Variants in ARL6IP1 observed in about 807,000 individuals in gnomAD.
ARL6IP1 encodes ADP-ribosylation factor-like protein 6-interacting protein 1.
In ARL6IP1, 16 loss-of-function variants were observed where a neutral mutation model predicts 30.1. The ratio of observed to expected loss-of-function variants is 0.53; its 90% confidence interval spans 0.36 to 0.81. The LOEUF (loss-of-function observed/expected upper bound fraction) is 0.81. Ranked by LOEUF, ARL6IP1 falls within the 30% of genes least tolerant of loss-of-function variation. ARL6IP1 has a pLI of 0.01. For missense variants in ARL6IP1, 173 were observed against 242.7 expected, an observed-to-expected ratio of 0.71 and a Z score of 1.91; for synonymous variants, 72 against 84.8, an observed-to-expected ratio of 0.85 and a Z score of 0.83.
At chr16:18,795,911 A>G (rs530853025) in intron 3 of ARL6IP1, among the ~76,000 whole-genome samples, 1 of 152,262 alleles carries the variant, frequency 6.6e-6, no homozygotes, top group East Asian at 1.9e-4. Context: ...AATCAGTATA[A>G]ATTTGATTTT....
intron 1 of ARL6IP1, among the ~76,000 whole-genome samples, chr16:18,800,701 G>A (rs1284494898): frequency 6.6e-6 from 1 of 152,180 alleles, no homozygotes; most frequent in Non-Finnish European, 1.5e-5. Context: ...GAATATGCAA[G>A]GATATTTCTC....
chr16:18,793,212 A>C lies in ARL6IP1; in HGVS notation c.*40T>G. 5.9e-6 allele frequency: 8 copies of C among 1,361,518 alleles called. No individual in the cohort carries two copies. Among genetic ancestry groups the C allele is most frequent in the Non-Finnish European group, 8.3e-6 (8 of 963,060 alleles). The allele number at this position is 1,361,518 out of a possible 1,614,324, so 84.3% of individuals were successfully genotyped here. A position where few individuals can be genotyped will look rare whatever the true frequency, so the allele number is the denominator to read the frequency against. ...GTACAGCAGAAACGGTTCCCGGGGC[A>C]ATGGGTGCTGCATTAATCACACTGA... On this transcript the variant is annotated 3_prime_UTR_variant, in exon 6 of 6. Transcript: ENST00000304414.
intron 2 of ARL6IP1, 176 bp downstream of exon 2, chr16:18,798,525 T>C: frequency 3.0e-6 from 2 of 669,594 alleles, no homozygotes; most frequent in Non-Finnish European, 4.5e-6. Context: ...TTACCAAGTT[T>C]ACAGAAGTAC....
intron 1 of ARL6IP1, among the ~76,000 whole-genome samples, chr16:18,800,684 C>T (rs771390400): frequency 6.6e-5 from 10 of 152,198 alleles, no homozygotes; most frequent in Non-Finnish European, 1.3e-4. Flanking sequence ...CAGGGAAGGG[C>T]AACTGAGAAT....
Position 18,793,369 on chromosome 16 carries a change from C to A in ARL6IP1, c.495G>T (p.Val165=), listed in dbSNP as rs748025123. ...GTCCAGGAAGCAATAGTAAGGAAGT[C>A]ACTTAAAATAAAAAAAAACCCAACA... ...VHNLLLTYLI[V]TSLLLLPGLN... is the part of the protein sequence containing the mutation. Residue 165 remains valine (V), a splice_region_variant and synonymous_variant, in exon 6 of 6, where the codon GTG becomes GTT. Transcript: ENST00000304414. 1 of 1,562,638 alleles carries A rather than the reference C, an allele frequency of 6.4e-7. No homozygotes were observed.
In ARL6IP1 at chr16:18,795,447, C is replaced by G. The variant is rs202235339; in HGVS notation, c.408+17G>C. 13 of 1,590,240 alleles carry G rather than the reference C, an allele frequency of 8.2e-6. No individual in the cohort carries two copies. Among genetic ancestry groups the G allele is most frequent in the Non-Finnish European group, 1.1e-5 (13 of 1,164,340 alleles). On this transcript the variant is annotated intron_variant, in intron 4 of 5. Coordinates refer to ENST00000304414, the MANE Select transcript of ARL6IP1 (RefSeq NM_015161.3). ...TCTTAAAATTTTACTGTACTTAAGTCAAAGCAAAAAAAGTACCATCTTAGG... is the reference window on the plus strand; with the variant it reads ...TCTTAAAATTTTACTGTACTTAAGTGAAAGCAAAAAAAGTACCATCTTAGG...
Position 18,801,212 on chromosome 16 carries a change from T to C in ARL6IP1, c.36+219A>G, listed in dbSNP as rs2030399027. Reference sequence around the variant, plus strand: ...CTCGACTCCTACTCGCGGTGATGAATCACGCGCCCTCCTCGCCCCGTCGCG... The same window carrying C: ...CTCGACTCCTACTCGCGGTGATGAACCACGCGCCCTCCTCGCCCCGTCGCG... On this transcript the variant is annotated intron_variant, in intron 1 of 5. Transcript: ENST00000304414. 8 of 1,412,794 alleles carry C rather than the reference T, an allele frequency of 5.7e-6. No individual in the cohort carries two copies. In the East Asian group the frequency reaches 7.9e-5, roughly 14 times the overall value. The allele number at this position is 1,412,794 out of a possible 1,614,324, so 87.5% of individuals were successfully genotyped here. A position where few individuals can be genotyped will look rare whatever the true frequency, so the allele number is the denominator to read the frequency against.
intron 3 of ARL6IP1, among the ~76,000 whole-genome samples, chr16:18,796,784 T>TAAGCAA (rs1336580570): frequency 6.6e-6 from 1 of 152,254 alleles, no homozygotes; most frequent in African/African-American, 2.4e-5. Flanking sequence ...TATCATAATT[T>TAAGCAA]AAGCAAACTT....
At chr16:18,794,180 G>A (rs564643423) in intron 5 of ARL6IP1, among the ~76,000 whole-genome samples, 116 of 151,886 alleles carry the variant, frequency 7.6e-4, no homozygotes, top group African/African-American at 2.5e-3. Context: ...TCAAACTCCC[G>A]GCCTCAAGTG....
Position 18,793,113 on chromosome 16 carries a change from CTGAA to C in ARL6IP1, c.*135_*138del, listed in dbSNP as rs1166476913. 5.0e-6 allele frequency: 3 copies of C among 600,034 alleles called. No homozygotes were observed. Among genetic ancestry groups the C allele is most frequent in the Non-Finnish European group, 8.7e-6 (3 of 343,710 alleles). The allele number at this position is 600,034 out of a possible 1,614,324, so 37.2% of individuals were successfully genotyped here. A position where few individuals can be genotyped will look rare whatever the true frequency, so the allele number is the denominator to read the frequency against. On this transcript the variant is annotated 3_prime_UTR_variant, in exon 6 of 6. Transcript: ENST00000304414. ...ATGCACGAAGCCTTACTTGGCGAGT[CTGAA>C]TTTCTATTAACTAAGGGCAGAGTGA...
At chr16:18,795,434 A>C (rs1342388040) in intron 4 of ARL6IP1, 30 bp downstream of exon 4, 6 of 1,489,768 alleles carry the variant, frequency 4.0e-6, no homozygotes, top group Non-Finnish European at 5.5e-6. Context: ...TTAAAATTTT[A>C]CTGTACTTAA....
rs1187633726 is a variant in ARL6IP1 at position 18,798,969 on chromosome 16, T to C, written c.37-135A>G. Reference sequence around the variant, plus strand: ...AAATTGCCAATTTTAAACTAGTTGGTTTCTGAAAAACTGCAATTTCAAAGA... The same window carrying C: ...AAATTGCCAATTTTAAACTAGTTGGCTTCTGAAAAACTGCAATTTCAAAGA... On this transcript the variant is annotated intron_variant, in intron 1 of 5. Transcript: ENST00000304414. The C allele has an allele frequency of 4.0e-6, 4 of 1,005,652 alleles. No individual in the cohort carries two copies. In the African/African-American group the frequency reaches 6.6e-5, roughly 17 times the overall value. 62.3% of individuals were successfully genotyped at this position (1,005,652 alleles called of 1,614,324 possible).
intron 5 of ARL6IP1, 121 bp downstream of exon 5, chr16:18,794,478 C>A: frequency 3.2e-6 from 2 of 625,878 alleles, no homozygotes; most frequent in South Asian, 4.2e-5. Flanking sequence ...ATAATCTTTC[C>A]ATATTCCCAC....
intron 1 of ARL6IP1, chr16:18,801,060 C>G: frequency 1.6e-6 from 1 of 640,952 alleles, no homozygotes; most frequent in Non-Finnish European, 2.1e-6. Context: ...AGGTTAAGAT[C>G]AAAGACGGGG....
At chr16:18,796,883 A>C (rs1462147260) in intron 3 of ARL6IP1, among the ~76,000 whole-genome samples, 2 of 152,262 alleles carry the variant, frequency 1.3e-5, no homozygotes, top group African/African-American at 4.8e-5. Flanking sequence ...TCTGAGATAC[A>C]AACAACCAAA....
chr16:18,801,074 G>C, intron 1 of ARL6IP1: 4 of 751,914 alleles, frequency 5.3e-6, no homozygotes, highest in Admixed American at 4.7e-5. Flanking sequence ...GACGGGGAAA[G>C]CCGAATACGG....
chr16:18,793,431 C>CTTT, intron 5 of ARL6IP1, 61 bp from the exon 6 acceptor site: 58 of 607,818 alleles, frequency 9.5e-5, no homozygotes, highest in Non-Finnish European at 1.1e-4. Flanking sequence ...AAGGTTATTA[C>CTTT]TTTTTTTTTT....
At chr16:18,793,590 CCTGA>C (rs891067365) in intron 5 of ARL6IP1, among the ~76,000 whole-genome samples, 8 of 152,030 alleles carry the variant, frequency 5.3e-5, no homozygotes, top group Admixed American at 2.0e-4. Flanking sequence ...CGCCACTACG[CCTGA>C]CTAATTTTGT....
chr16:18,797,776 A>T (rs2141872329), intron 3 of ARL6IP1, 149 bp downstream of exon 3: 2 of 971,550 alleles, frequency 2.1e-6, no homozygotes, highest in Non-Finnish European at 3.0e-6. Context: ...CAAATCAGTT[A>T]CAATATTCTT....
Sources: gnomAD v4.1 joint callset for allele counts (sites outside exome capture counted in the v4.1 genomes callset) on GRCh38, gnomAD v4.1.1 for gene constraint, MANE v1.5 for transcripts, NCBI Gene and HGNC (gene_info 2026-07-23, HGNC 2026-07-21) for gene names.